The following GATAD2A variants were observed in gnomAD, a reference collection of about 807,000 sequenced individuals.
GATAD2A encodes the protein transcriptional repressor p66-alpha.
GATAD2A carries 12 observed loss-of-function variants against 68.5 expected under a neutral mutation model. The ratio of observed to expected loss-of-function variants is 0.18; its 90% confidence interval spans 0.11 to 0.28. The LOEUF is 0.28. GATAD2A is among the 10% of genes least tolerant of loss of function. The probability of loss-of-function intolerance (pLI) is 1.00; values close to 1 mark genes in which losing one functional copy is unlikely to be tolerated. For synonymous variants in GATAD2A, 410 were observed against 375.3 expected (o/e 1.09, Z -1.07); for missense variants, 755 against 868.5 (o/e 0.87, Z 1.64).
At chr19:19,428,911 A>G (rs1179199371) in intron 1 of GATAD2A, among the ~76,000 whole-genome samples, 1 of 151,344 alleles carries the variant, frequency 6.6e-6, no homozygotes, top group Admixed American at 6.6e-5. Context: ...GAAGCTCTGG[A>G]CTCACCCCAG....
chr19:19,451,393 C>T (rs924291192), intron 1 of GATAD2A, among the ~76,000 whole-genome samples: 4 of 152,092 alleles, frequency 2.6e-5, no homozygotes, highest in Non-Finnish European at 5.9e-5. Flanking sequence ...GAAGGGGTGT[C>T]CCAGGCACTG....
chr19:19,393,015 C>T (rs999814196), intron 1 of GATAD2A, among the ~76,000 whole-genome samples: 2 of 152,034 alleles, frequency 1.3e-5, no homozygotes, highest in African/African-American at 4.8e-5. Context: ...TTTAAATTGG[C>T]TTATAAGGGG....
chr19:19,449,578 A>G (rs1321545291), intron 1 of GATAD2A, among the ~76,000 whole-genome samples: 3 of 135,180 alleles, frequency 2.2e-5, no homozygotes, highest in African/African-American at 8.5e-5. Flanking sequence ...CTCCAGGTTT[A>G]CTTTGTTAAA....
chr19:19,437,674 C>T (rs1344567485), intron 1 of GATAD2A, among the ~76,000 whole-genome samples: 1 of 152,176 alleles, frequency 6.6e-6, no homozygotes, highest in Non-Finnish European at 1.5e-5. Flanking sequence ...TAAATGGACT[C>T]TTATACTTGT....
intron 1 of GATAD2A, among the ~76,000 whole-genome samples, chr19:19,421,104 G>C (rs2052366584): frequency 6.6e-6 from 1 of 152,182 alleles, no homozygotes. Context: ...ACGGACAATG[G>C]GGGAGGCCTG....
chr19:19,491,987 A>G (rs958452149), intron 2 of GATAD2A, among the ~76,000 whole-genome samples: 1 of 152,198 alleles, frequency 6.6e-6, no homozygotes, highest in Non-Finnish European at 1.5e-5. Flanking sequence ...GGCACACGGT[A>G]GAGGGAGCAG....
chr19:19,484,532 C>CTTTTTTTTTTTTTTTTTTTTTTTTTT (rs897099165), intron 2 of GATAD2A, among the ~76,000 whole-genome samples: 1 of 86,958 alleles, frequency 1.1e-5, no homozygotes, highest in Non-Finnish European at 2.2e-5. Context: ...TTTTTTTTTT[C>CTTTTTTTTTTTTTTTTTTTTTTTTTT]TTTTTTTTTT....
At chr19:19,494,792 C>T (rs1369283575) in intron 5 of GATAD2A, among the ~76,000 whole-genome samples, 1 of 152,214 alleles carries the variant, frequency 6.6e-6, no homozygotes, top group Non-Finnish European at 1.5e-5. Context: ...CCCTCTCAAA[C>T]AGGCCTGAGC....
intron 1 of GATAD2A, among the ~76,000 whole-genome samples, chr19:19,413,812 T>C (rs1327850720): frequency 1.3e-5 from 2 of 152,188 alleles, no homozygotes; most frequent in African/African-American, 4.8e-5. Context: ...CTCGAACTCC[T>C]GACCTCAGAT....
Position 19,506,170 on chromosome 19 carries a change from G to GCCC in GATAD2A, c.*697_*699dup, listed in dbSNP as rs2060858462. ...GACAGATGCAGGGATGGCCGAGGCA[G>GCCC]CCCTCGCTCCAGCTGAACGCCTCCA... On this transcript the variant is annotated 3_prime_UTR_variant, in exon 12 of 12. Transcript: ENST00000683918. 1 of 398,676 alleles carries GCCC rather than the reference G, an allele frequency of 2.5e-6. No homozygotes were observed. Among genetic ancestry groups the GCCC allele is most frequent in the Non-Finnish European group, 4.4e-6 (1 of 225,962 alleles). The allele number at this position is 398,676 out of a possible 1,614,324, so 24.7% of individuals were successfully genotyped here.
intron 10 of GATAD2A, 107 bp downstream of exon 10, chr19:19,502,150 T>C: frequency 1.1e-6 from 1 of 935,994 alleles, no homozygotes. Flanking sequence ...TCCCTGTTTC[T>C]GTTTCACTCT....
intron 1 of GATAD2A, among the ~76,000 whole-genome samples, chr19:19,442,494 A>T (rs929770605): frequency 1.3e-5 from 2 of 151,888 alleles, no homozygotes; most frequent in Non-Finnish European, 2.9e-5. Flanking sequence ...GGTGATAGTG[A>T]CGCACGCCTG....
chr19:19,429,169 T>C, intron 1 of GATAD2A: 3 of 985,172 alleles, frequency 3.0e-6, no homozygotes, highest in Non-Finnish European at 3.6e-6. Context: ...CCATGGAGCA[T>C]GGAGCCTTTG....
chr19:19,433,974 T>C (rs930650988), intron 1 of GATAD2A, among the ~76,000 whole-genome samples: 2 of 152,200 alleles, frequency 1.3e-5, no homozygotes, highest in Non-Finnish European at 2.9e-5. Context: ...GGTTTTGCCA[T>C]ATTGGCCAGG....
At chr19:19,474,060 G>A (rs2058503317) in intron 2 of GATAD2A, 9 of 984,590 alleles carry the variant, frequency 9.1e-6, no homozygotes, top group African/African-American at 1.7e-5. Context: ...TGTCCAGAAC[G>A]TGGGAGTGTG....
rs377322158 is a variant in GATAD2A at position 19,498,481 on chromosome 19, C to A, written c.963C>A (p.Ser321=). The change falls in exon 8 of 12, where the codon TCC becomes TCA. Residue 321 remains serine, a synonymous_variant. Coordinates refer to ENST00000683918, the MANE Select transcript of GATAD2A (RefSeq NM_001384528.1). ...CACTGAAGGGGACAACAGCCACCTC[C>A]GCTCAGGCCAACTCCACCCCCACTA... The part of the protein sequence containing the change: ...PASLKGTTAT[S]AQANSTPTSV... 6.2e-7 allele frequency: 1 copy of A among 1,612,670 alleles called. No homozygotes were observed. The highest frequency in any genetic ancestry group is 1.1e-5 in the South Asian group (1 of 91,062).
intron 1 of GATAD2A, among the ~76,000 whole-genome samples, chr19:19,462,095 T>C (rs1600192118): frequency 6.6e-6 from 1 of 152,182 alleles, no homozygotes; most frequent in African/African-American, 2.4e-5. Context: ...CACCTACTTT[T>C]AGGAAGTGTT....
chr19:19,391,351 T>C (rs1035728727), intron 1 of GATAD2A, among the ~76,000 whole-genome samples: 1 of 152,164 alleles, frequency 6.6e-6, no homozygotes, highest in African/African-American at 2.4e-5. Flanking sequence ...TTTCTTTCTC[T>C]CTTTCATGCA....
At chr19:19,475,839 C>T (rs1023388201) in intron 2 of GATAD2A, among the ~76,000 whole-genome samples, 9 of 152,138 alleles carry the variant, frequency 5.9e-5, no homozygotes, top group Non-Finnish European at 1.0e-4. Flanking sequence ...TCCCAGAAAT[C>T]GCTGAAATGT....
Sources: gnomAD v4.1 joint callset for allele counts (sites outside exome capture counted in the v4.1 genomes callset) on GRCh38, gnomAD v4.1.1 for gene constraint, MANE v1.5 for transcripts, NCBI Gene and HGNC (gene_info 2026-07-23, HGNC 2026-07-21) for gene names.